The following RAPGEF4 variants were observed in gnomAD, a reference collection of about 807,000 sequenced individuals.
The protein encoded by RAPGEF4 is RAP guanine-nucleotide-exchange factor (GEF) 4.
A neutral mutation model predicts 147.9 loss-of-function variants in RAPGEF4; 66 were observed. That is an observed-to-expected ratio of 0.45 (90% CI 0.37 to 0.55). The LOEUF is 0.55. Ranked by LOEUF, RAPGEF4 falls within the 20% of genes least tolerant of loss-of-function variation. The pLI, the probability that RAPGEF4 is intolerant of heterozygous loss-of-function variation, is 0.00. For missense variants in RAPGEF4, 1,071 were observed against 1,257.3 expected, an observed-to-expected ratio of 0.85 and a Z score of 2.24; for synonymous variants, 419 against 442.7, an observed-to-expected ratio of 0.95 and a Z score of 0.67.
At chr2:173,006,433 A>G (rs553213366) in intron 17 of RAPGEF4, among the ~76,000 whole-genome samples, 2 of 152,186 alleles carry the variant, frequency 1.3e-5, no homozygotes, top group Admixed American at 6.6e-5. Flanking sequence ...TTAGTATACT[A>G]ATTTTCTTTA....
intron 4 of RAPGEF4, among the ~76,000 whole-genome samples, chr2:172,906,025 C>T (rs1202840684): frequency 3.3e-5 from 5 of 152,182 alleles, no homozygotes; most frequent in South Asian, 2.1e-4. Flanking sequence ...GCCTTCTTAT[C>T]TACCATGCAT....
At chr2:172,750,505 T>A (rs1005421031) in intron 1 of RAPGEF4, among the ~76,000 whole-genome samples, 1 of 152,056 alleles carries the variant, frequency 6.6e-6, no homozygotes, top group Non-Finnish European at 1.5e-5. Flanking sequence ...AATTATCTCC[T>A]GCCAGGTCCC....
At chr2:172,887,501 C>G (rs1458535658) in intron 4 of RAPGEF4, among the ~76,000 whole-genome samples, 1 of 152,212 alleles carries the variant, frequency 6.6e-6, no homozygotes. Flanking sequence ...TGGGCCAAAT[C>G]CAGACTACTG....
chr2:172,752,993 C>A (rs889214649), intron 1 of RAPGEF4, among the ~76,000 whole-genome samples: 4 of 152,126 alleles, frequency 2.6e-5, no homozygotes, highest in Non-Finnish European at 5.9e-5. Flanking sequence ...TTTAACAGGT[C>A]ATGGATGTCA....
chr2:172,979,523 T>C (rs1323347229), intron 10 of RAPGEF4, among the ~76,000 whole-genome samples: 1 of 152,238 alleles, frequency 6.6e-6, no homozygotes, highest in Non-Finnish European at 1.5e-5. Context: ...AAACAAGTCA[T>C]TAGATCAGTT....
chr2:172,884,766 A>G (rs3769280), intron 4 of RAPGEF4, among the ~76,000 whole-genome samples: 1 of 152,170 alleles, frequency 6.6e-6, no homozygotes, highest in Non-Finnish European at 1.5e-5. Flanking sequence ...GTGATATGGT[A>G]TTATTTTTTT....
At chr2:173,022,684 G>A (rs1482583288) in intron 23 of RAPGEF4, among the ~76,000 whole-genome samples, 1 of 152,132 alleles carries the variant, frequency 6.6e-6, no homozygotes, top group East Asian at 1.9e-4. Context: ...CCGCAGTTAC[G>A]CTAAAGCCAG....
intron 26 of RAPGEF4, among the ~76,000 whole-genome samples, chr2:173,033,119 A>G (rs1179850323): frequency 1.3e-5 from 2 of 151,946 alleles, no homozygotes; most frequent in Admixed American, 1.3e-4. Context: ...AGTGGTGTTG[A>G]ATCATTTGCC....
chr2:172,994,161 C>T (rs766117933), intron 15 of RAPGEF4, among the ~76,000 whole-genome samples: 67 of 152,170 alleles, frequency 4.4e-4, no homozygotes, highest in Admixed American at 1.6e-3. Context: ...CCTGGTGCCA[C>T]GCGAAGTAAC....
chr2:172,929,221 A>G (rs527682960), intron 6 of RAPGEF4, among the ~76,000 whole-genome samples: 50 of 152,358 alleles, frequency 3.3e-4, no homozygotes, highest in African/African-American at 1.1e-3. Flanking sequence ...GTGTTCTCAG[A>G]TTGGATAAAC....
At chr2:172,969,232 T>C (rs750373) in intron 10 of RAPGEF4, among the ~76,000 whole-genome samples, 65,222 of 152,178 alleles carry the variant, frequency 0.43, 14,403 homozygotes, top group South Asian at 0.62. Flanking sequence ...ATTTATTGAG[T>C]ACCTACATTG....
At chr2:172,782,705 C>T (rs897359872) in intron 1 of RAPGEF4, among the ~76,000 whole-genome samples, 3 of 152,166 alleles carry the variant, frequency 2.0e-5, no homozygotes, top group Admixed American at 6.5e-5. Context: ...AAAGAAGCCT[C>T]GGTTATCTGA....
At chr2:172,989,014 C>T (rs1692559560) in intron 14 of RAPGEF4, among the ~76,000 whole-genome samples, 175 bp downstream of exon 14, 1 of 152,198 alleles carries the variant, frequency 6.6e-6, no homozygotes, top group South Asian at 2.1e-4. Flanking sequence ...ATTCTGGGAT[C>T]CAGAGGTTGT....
chr2:172,889,686 G>GAC lies in RAPGEF4; in HGVS notation c.445-28101_445-28100dup, dbSNP rs151160330. 2.5e-3 allele frequency: 442 copies of GAC among 180,202 alleles called. 3 individuals carry two copies. The highest frequency in any genetic ancestry group is 8.4e-3 in the African/African-American group (348 of 41,520). 11.2% of individuals were successfully genotyped at this position (180,202 alleles called of 1,614,324 possible). A position where few individuals can be genotyped will look rare whatever the true frequency, so the allele number is the denominator to read the frequency against. ...CTTTCTCATTCACTGTGAGAATACAGACACACACACACACACGCTACCCAC... is the reference window on the plus strand; with the variant it reads ...CTTTCTCATTCACTGTGAGAATACAGACACACACACACACACACGCTACCCAC... On this transcript the variant is annotated intron_variant, in intron 4 of 30. Transcript: ENST00000397081.
intron 4 of RAPGEF4, among the ~76,000 whole-genome samples, chr2:172,855,919 C>A (rs575879826): frequency 6.6e-4 from 101 of 152,094 alleles, no homozygotes; most frequent in African/African-American, 2.0e-3. Flanking sequence ...ATATGATGTG[C>A]CTTGGCATGG....
At chr2:172,967,087 C>T (rs190947424) in intron 9 of RAPGEF4, 174 bp from the exon 10 acceptor site, 32 of 621,364 alleles carry the variant, frequency 5.1e-5, no homozygotes, top group South Asian at 3.1e-4. Flanking sequence ...ACTGCAGCCC[C>T]GAGGTCATGT....
At chr2:172,746,221 C>T (rs918750683) in intron 1 of RAPGEF4, among the ~76,000 whole-genome samples, 1 of 152,204 alleles carries the variant, frequency 6.6e-6, no homozygotes, top group African/African-American at 2.4e-5. Context: ...GGGAAAATTA[C>T]ATTCTTGTTT....
chr2:173,014,966 C>T (rs922621771), intron 18 of RAPGEF4, among the ~76,000 whole-genome samples: 11 of 152,126 alleles, frequency 7.2e-5, no homozygotes, highest in African/African-American at 2.4e-4. Context: ...AATTTATTTA[C>T]ATCTCCTGAA....
At chr2:172,980,327 C>T (rs1323852161) in intron 10 of RAPGEF4, among the ~76,000 whole-genome samples, 1 of 151,960 alleles carries the variant, frequency 6.6e-6, no homozygotes, top group Non-Finnish European at 1.5e-5. Flanking sequence ...GGCCAGGAAG[C>T]CCTTGGAACT....
Sources: gnomAD v4.1 joint callset for allele counts (sites outside exome capture counted in the v4.1 genomes callset) on GRCh38, gnomAD v4.1.1 for gene constraint, MANE v1.5 for transcripts, NCBI Gene and HGNC (gene_info 2026-07-23, HGNC 2026-07-21) for gene names.